The following ZNF385D variants were observed in gnomAD, a reference collection of about 807,000 sequenced individuals.
The protein encoded by ZNF385D is zinc finger protein 659.
Under a neutral mutation model 35.8 loss-of-function variants are expected in ZNF385D, and 15 were observed. That is an observed-to-expected ratio of 0.42 (90% CI 0.28 to 0.64). ZNF385D has a LOEUF of 0.64. Ranked by LOEUF, ZNF385D falls within the 30% of genes least tolerant of loss-of-function variation. ZNF385D has a pLI of 0.23. For missense variants in ZNF385D, 474 were observed against 494.6 expected, an observed-to-expected ratio of 0.96 and a Z score of 0.39; for synonymous variants, 212 against 186.8, an observed-to-expected ratio of 1.13 and a Z score of -1.10.
rs12486668 is a variant in ZNF385D, at chr3:21,812,623, T to G, written c.326-147595A>C. On this transcript the variant is annotated intron_variant, in intron 3 of 5. Transcript: ENST00000494108. Reference sequence around the variant, plus strand: ...CTAGCACAGCAGTCCGAGATCGAACTGCAAGGTGGCAGCAAGGCTGGGGGA... The same window carrying G: ...CTAGCACAGCAGTCCGAGATCGAACGGCAAGGTGGCAGCAAGGCTGGGGGA... Among the ~76,000 whole-genome samples the G allele has an allele frequency of 5.9e-5, 9 of 152,134 alleles. No homozygotes were observed. In the South Asian group the frequency reaches 1.9e-3, roughly 31 times the overall value.
intron 3 of ZNF385D, among the ~76,000 whole-genome samples, chr3:21,889,502 G>A (rs1159054593): frequency 6.6e-6 from 1 of 152,206 alleles, no homozygotes; most frequent in East Asian, 1.9e-4. Flanking sequence ...AGAAGCAAGA[G>A]ATGGCTTGTA....
At chr3:21,476,744 C>A (rs192342154) in intron 4 of ZNF385D, among the ~76,000 whole-genome samples, 4 of 152,152 alleles carry the variant, frequency 2.6e-5, no homozygotes, top group Admixed American at 6.6e-5. Flanking sequence ...TATTTCCTTA[C>A]CCAAATGTAA....
intron 2 of ZNF385D, among the ~76,000 whole-genome samples, chr3:21,624,013 C>G (rs7633504): frequency 0.19 from 28,680 of 151,946 alleles, 3,222 homozygotes; most frequent in African/African-American, 0.32. Context: ...TTTGCTTTTT[C>G]AGAGACATAA....
At chr3:21,492,271 A>T (rs1705477647) in intron 4 of ZNF385D, among the ~76,000 whole-genome samples, 1 of 152,130 alleles carries the variant, frequency 6.6e-6, no homozygotes, top group Non-Finnish European at 1.5e-5. Context: ...ATAGCTTAAA[A>T]ATCAATAGCT....
chr3:22,099,154 T>A (rs1270135015), intron 3 of ZNF385D, among the ~76,000 whole-genome samples: 5 of 152,106 alleles, frequency 3.3e-5, no homozygotes, highest in Non-Finnish European at 7.4e-5. Context: ...AATGTGACTA[T>A]GTCAGTTGAC....
At chr3:21,838,102 A>G (rs2630770) in intron 3 of ZNF385D, among the ~76,000 whole-genome samples, 63,907 of 151,832 alleles carry the variant, frequency 0.42, 14,029 homozygotes, top group African/African-American at 0.56. Context: ...GCATGATTAT[A>G]AAGATTAACA....
At chr3:21,899,204 C>G (rs890097535) in intron 3 of ZNF385D, among the ~76,000 whole-genome samples, 2 of 151,878 alleles carry the variant, frequency 1.3e-5, no homozygotes, top group African/African-American at 2.4e-5. Context: ...ATGCCCAGGA[C>G]AGTGCCCTAT....
chr3:22,127,855 G>A (rs891583241), intron 3 of ZNF385D, among the ~76,000 whole-genome samples: 1 of 151,840 alleles, frequency 6.6e-6, no homozygotes, highest in African/African-American at 2.4e-5. Flanking sequence ...TACTATCTAT[G>A]TCTTTAAAAG....
At chr3:22,280,740 C>A (rs1460500472) in intron 2 of ZNF385D, among the ~76,000 whole-genome samples, 1 of 152,016 alleles carries the variant, frequency 6.6e-6, no homozygotes, top group African/African-American at 2.4e-5. Flanking sequence ...CTTGCTTTAG[C>A]TATGCAGGCA....
intron 3 of ZNF385D, chr3:21,961,555 AAATT>A (rs1434437193): frequency 2.0e-5 from 3 of 152,182 alleles, no homozygotes; most frequent in African/African-American, 7.2e-5. Context: ...AGTGATAAAT[AAATT>A]TATTTCACAT....
At chr3:22,008,277 A>G (rs1214995275) in intron 3 of ZNF385D, among the ~76,000 whole-genome samples, 15 of 152,048 alleles carry the variant, frequency 9.9e-5, no homozygotes, top group Non-Finnish European at 2.2e-4. Context: ...TTTACTGGCT[A>G]GGGTTTTGTG....
Position 21,913,347 on chromosome 3 carries a change from C to A in ZNF385D, c.326-248319G>T, listed in dbSNP as rs541594711. Among the ~76,000 whole-genome samples the A allele has an allele frequency of 1.3e-3, 192 of 152,218 alleles. 1 individual carries two copies. The highest frequency in any genetic ancestry group is 3.4e-3 in the Middle Eastern group (1 of 294). On this transcript the variant is annotated intron_variant, in intron 3 of 5. Coordinates refer to the ZNF385D transcript ENST00000494108. ...AAAACTATTTTCTCAGGTCGTATAT[C>A]TGAAATAACTCATTAACAGAAAAAA...
intron 3 of ZNF385D, among the ~76,000 whole-genome samples, chr3:21,835,680 G>C (rs1028669787): frequency 2.0e-5 from 3 of 151,920 alleles, no homozygotes; most frequent in South Asian, 2.1e-4. Flanking sequence ...AAAGGTTCTT[G>C]GTAAACCAGA....
intron 3 of ZNF385D, among the ~76,000 whole-genome samples, chr3:21,869,764 T>G (rs1575809615): frequency 6.6e-6 from 1 of 151,192 alleles, no homozygotes; most frequent in Non-Finnish European, 1.5e-5. Context: ...ATTAGAATCT[T>G]ATACTATAAG....
At chr3:21,960,851 G>A (rs1054658648) in intron 3 of ZNF385D, among the ~76,000 whole-genome samples, 13 of 152,010 alleles carry the variant, frequency 8.6e-5, no homozygotes, top group Admixed American at 2.6e-4. Flanking sequence ...GTATGTTCTC[G>A]CTCACATGTG....
chr3:22,074,536 C>A (rs2125569207), intron 3 of ZNF385D, among the ~76,000 whole-genome samples: 1 of 152,004 alleles, frequency 6.6e-6, no homozygotes, highest in East Asian at 1.9e-4. Flanking sequence ...TATAAGCAGC[C>A]TGAATGTTTC....
chr3:22,252,501 A>AG (rs1422707515), intron 2 of ZNF385D, among the ~76,000 whole-genome samples: 2 of 152,076 alleles, frequency 1.3e-5, no homozygotes, highest in African/African-American at 4.8e-5. Context: ...ATATGAGCAG[A>AG]GTTCATGGGA....
chr3:21,995,742 G>T (rs1338230587), intron 3 of ZNF385D, among the ~76,000 whole-genome samples: 8 of 151,954 alleles, frequency 5.3e-5, no homozygotes, highest in Non-Finnish European at 1.2e-4. Flanking sequence ...TGCCCAAGAG[G>T]ACCATTCTCC....
intron 3 of ZNF385D, among the ~76,000 whole-genome samples, chr3:21,995,786 C>G (rs966757563): frequency 1.3e-5 from 2 of 151,946 alleles, no homozygotes; most frequent in African/African-American, 4.8e-5. Flanking sequence ...GGGCAAGGAG[C>G]CCCTACTGCT....
Sources: gnomAD v4.1 joint callset for allele counts (sites outside exome capture counted in the v4.1 genomes callset) on GRCh38, gnomAD v4.1.1 for gene constraint, MANE v1.5 for transcripts, NCBI Gene and HGNC (gene_info 2026-07-23, HGNC 2026-07-21) for gene names.